ASIC2: variants seen among roughly 807,000 people sequenced by gnomAD.
The protein encoded by ASIC2 is acid sensing ion channel subunit 2, also known as acid-sensing ion channel 2.
A neutral mutation model predicts 57.3 loss-of-function variants in ASIC2; 25 were observed. That is an observed-to-expected ratio of 0.44 (90% CI 0.32 to 0.61). The LOEUF (loss-of-function observed/expected upper bound fraction) is 0.61. Among genes scored for constraint, ASIC2 ranks in the 20% least tolerant of loss-of-function variants. ASIC2 has a pLI of 0.06. For missense variants in ASIC2, 641 were observed against 738.1 expected (o/e 0.87, Z 1.52); for synonymous variants, 319 against 307.5 (o/e 1.04, Z -0.39).
At chr17:33,896,283 T>C (rs1915093683) in intron 1 of ASIC2, among the ~76,000 whole-genome samples, 2 of 152,252 alleles carry the variant, frequency 1.3e-5, no homozygotes, top group African/African-American at 4.8e-5. Context: ...GGATGGCATC[T>C]TGCAAGACAG....
chr17:34,139,144 G>T (rs1350365932), intron 1 of ASIC2, among the ~76,000 whole-genome samples: 1 of 152,212 alleles, frequency 6.6e-6, no homozygotes, highest in African/African-American at 2.4e-5. Context: ...GAGATGATTT[G>T]AAGATGGGAG....
intron 1 of ASIC2, among the ~76,000 whole-genome samples, chr17:34,140,705 A>G (rs146535987): frequency 6.8e-4 from 103 of 152,320 alleles, no homozygotes; most frequent in African/African-American, 2.4e-3. Context: ...ATATTATCAG[A>G]CTGTAACCTA....
chr17:33,372,976 G>A (rs1169920685), intron 1 of ASIC2, among the ~76,000 whole-genome samples: 2 of 152,182 alleles, frequency 1.3e-5, no homozygotes, highest in African/African-American at 4.8e-5. Context: ...TTGGGTTAGG[G>A]CGTGGGAACA....
At chr17:33,163,771 C>T (rs1905227648) in intron 1 of ASIC2, among the ~76,000 whole-genome samples, 1 of 152,092 alleles carries the variant, frequency 6.6e-6, no homozygotes, top group African/African-American at 2.4e-5. Context: ...ATGTTAAGTG[C>T]TGTGGGGAAA....
At chr17:33,375,784 G>C (rs866982318) in intron 1 of ASIC2, among the ~76,000 whole-genome samples, 1 of 152,292 alleles carries the variant, frequency 6.6e-6, no homozygotes, top group Admixed American at 6.5e-5. Context: ...GCAATGCAAG[G>C]TATCGAAAAG....
intron 1 of ASIC2, among the ~76,000 whole-genome samples, chr17:33,262,899 G>A (rs1476098640): frequency 6.7e-6 from 1 of 150,252 alleles, no homozygotes; most frequent in Non-Finnish European, 1.5e-5. Flanking sequence ...TGAAGTGAGG[G>A]CTTAAGGCTG....
rs1910447881 is a variant in ASIC2 at position 33,751,940 on chromosome 17, G to T, written c.555+404038C>A. ...AGCCCAGCTTAGGGAAGCCGGGGGT[G>T]GGGGTGAGGGGTGGGGTGGGGGTGG... On this transcript the variant is annotated intron_variant, in intron 1 of 9. Coordinates refer to the ASIC2 transcript ENST00000359872. Among the ~76,000 whole-genome samples the T allele has an allele frequency of 2.0e-5, 3 of 150,374 alleles. No homozygotes were observed. In the South Asian group the frequency reaches 6.4e-4, roughly 32 times the overall value.
intron 1 of ASIC2, among the ~76,000 whole-genome samples, chr17:33,484,922 G>A (rs1249534780): frequency 2.6e-5 from 4 of 152,220 alleles, no homozygotes; most frequent in African/African-American, 9.6e-5. Context: ...CTGCAAAACT[G>A]CCCTGAGCTG....
intron 1 of ASIC2, among the ~76,000 whole-genome samples, chr17:34,149,819 A>G (rs1032106560): frequency 6.6e-6 from 1 of 152,228 alleles, no homozygotes; most frequent in Non-Finnish European, 1.5e-5. Context: ...CATTATGGAA[A>G]ACAGTATGGA....
chr17:33,554,497 G>A (rs558926253), intron 1 of ASIC2, among the ~76,000 whole-genome samples: 1 of 152,002 alleles, frequency 6.6e-6, no homozygotes, highest in African/African-American at 2.4e-5. Flanking sequence ...TAGGGGAAGG[G>A]GTATTTCAAG....
At chr17:33,451,053 A>C (rs1422594331) in intron 1 of ASIC2, among the ~76,000 whole-genome samples, 1 of 116,568 alleles carries the variant, frequency 8.6e-6, no homozygotes, top group African/African-American at 3.0e-5. Flanking sequence ...TCAGAGGCGT[A>C]CATGTACTTT....
chr17:33,507,196 C>T (rs539502152), intron 1 of ASIC2, among the ~76,000 whole-genome samples: 40 of 152,318 alleles, frequency 2.6e-4, no homozygotes, highest in African/African-American at 9.1e-4. Flanking sequence ...ACAATGCTGC[C>T]TCATGACAGG....
rs150452088 is a variant in ASIC2 at position 34,144,876 on chromosome 17, T to A, written c.555+11102A>T. 1.3e-3 allele frequency among the ~76,000 whole-genome samples: 203 copies of A among 152,284 alleles called. 2 individuals carry two copies. Among genetic ancestry groups the A allele is most frequent in the African/African-American group, 4.5e-3 (189 of 41,556 alleles). ...TTATCAGTGCTCCTGGGCAGGACAT[T>A]CTCTCTGCCAGATTAGCCTCCTTCC... On this transcript the variant is annotated intron_variant, in intron 1 of 9. Coordinates refer to the ASIC2 transcript ENST00000359872.
At chr17:34,014,503 C>T (rs931061117) in intron 1 of ASIC2, among the ~76,000 whole-genome samples, 2 of 152,162 alleles carry the variant, frequency 1.3e-5, no homozygotes, top group African/African-American at 2.4e-5. Flanking sequence ...AGAAAGGGTG[C>T]CCTAAATATG....
intron 1 of ASIC2, among the ~76,000 whole-genome samples, chr17:33,573,074 G>A (rs912361475): frequency 6.6e-6 from 1 of 152,150 alleles, no homozygotes; most frequent in Non-Finnish European, 1.5e-5. Flanking sequence ...AAACGCACAG[G>A]TGCCAATCTT....
At chr17:33,836,984 G>GT (rs1355942905) in intron 1 of ASIC2, among the ~76,000 whole-genome samples, 2 of 152,238 alleles carry the variant, frequency 1.3e-5, no homozygotes, top group African/African-American at 4.8e-5. Flanking sequence ...TTGTCCAACA[G>GT]TTATGCCAAA....
intron 1 of ASIC2, among the ~76,000 whole-genome samples, chr17:33,435,060 G>A (rs1911560046): frequency 6.6e-6 from 1 of 152,122 alleles, no homozygotes; most frequent in Admixed American, 6.5e-5. Flanking sequence ...CATTTTGAAG[G>A]GACAGAGATA....
intron 1 of ASIC2, among the ~76,000 whole-genome samples, chr17:33,514,049 T>G (rs1290857275): frequency 6.6e-6 from 1 of 152,200 alleles, no homozygotes; most frequent in African/African-American, 2.4e-5. Context: ...GTGTACCTCG[T>G]GGGTAGACAT....
intron 1 of ASIC2, among the ~76,000 whole-genome samples, chr17:34,099,400 GAGGA>G (rs1479230169): frequency 2.4e-5 from 3 of 122,494 alleles, no homozygotes; most frequent in South Asian, 2.6e-4. Flanking sequence ...GGAAAAAAGA[GAGGA>G]AGGAAGGAAA....
Sources: allele counts gnomAD v4.1 joint callset (sites outside exome capture counted in the v4.1 genomes callset), GRCh38; gene constraint gnomAD v4.1.1; transcripts MANE v1.5; gene names NCBI Gene and HGNC (gene_info 2026-07-23, HGNC 2026-07-21).